The following NALF2 variants were observed in gnomAD, a reference collection of about 807,000 sequenced individuals.
NALF2 encodes NALCN channel auxiliary factor 2.
In NALF2, 1 loss-of-function variant was observed where a neutral mutation model predicts 24.8. The ratio of observed to expected loss-of-function variants is 0.04; its 90% confidence interval spans 0.01 to 0.19. The LOEUF is 0.19. Among genes scored for constraint, NALF2 ranks in the 10% least tolerant of loss-of-function variants. The pLI is 1.00. For synonymous variants in NALF2, 254 were observed against 189.8 expected (o/e 1.34, Z -2.78); for missense variants, 458 against 409.6 (o/e 1.12, Z -1.02).
chrX:69,507,494 A>T (rs1261143986), intron 1 of NALF2, among the ~76,000 whole-genome samples: 4 of 111,130 alleles, frequency 3.6e-5, no homozygotes, highest in Non-Finnish European at 7.5e-5. Flanking sequence ...TCTTAAAGGT[A>T]TACAGACAGA....
chrX:69,505,380 C>G lies in NALF2; in HGVS notation c.98C>G (p.Pro33Arg), dbSNP rs1224299779. 2 of 1,157,682 alleles carry G rather than the reference C, an allele frequency of 1.7e-6. No individual in the cohort carries two copies. Among genetic ancestry groups the G allele is most frequent in the Non-Finnish European group, 2.3e-6 (2 of 869,238 alleles). ...CCWAPRPSDK[P>R]CADSERAQRW... ...TGGGCTCCCAGGCCGAGCGACAAAC[C>G]TTGCGCCGACTCCGAGCGGGCGCAG... The change falls in exon 1 of 3, where the codon CCT becomes CGT. Residue 33 changes from proline to arginine, a missense_variant. Transcript: ENST00000252338.
intron 1 of NALF2, among the ~76,000 whole-genome samples, chrX:69,514,865 G>A (rs1368383360): frequency 2.7e-5 from 3 of 111,522 alleles, no homozygotes; most frequent in Non-Finnish European, 5.6e-5. Flanking sequence ...TTTTTACCCT[G>A]CTCTTTTAAA....
intron 1 of NALF2, among the ~76,000 whole-genome samples, chrX:69,511,180 C>A (rs1466931626): frequency 9.2e-6 from 1 of 109,028 alleles, no homozygotes; most frequent in Non-Finnish European, 1.9e-5. Flanking sequence ...GACCTCACTC[C>A]CCACCTCTTT....
At chrX:69,506,474 C>T (rs1930489728) in intron 1 of NALF2, among the ~76,000 whole-genome samples, 1 of 113,346 alleles carries the variant, frequency 8.8e-6, no homozygotes, top group Non-Finnish European at 1.9e-5. Flanking sequence ...CTCCCCCCAG[C>T]CTCCATCCTC....
intron 1 of NALF2, among the ~76,000 whole-genome samples, 197 bp from the exon 2 acceptor site, chrX:69,528,796 A>G (rs1056035488): frequency 1.8e-5 from 2 of 111,957 alleles, no homozygotes; most frequent in African/African-American, 6.5e-5. Flanking sequence ...GGTGCTTGGG[A>G]GTACTGGCTA....
At chrX:69,518,452 C>T (rs990891657) in intron 1 of NALF2, among the ~76,000 whole-genome samples, 11 of 112,060 alleles carry the variant, frequency 9.8e-5, no homozygotes, top group Non-Finnish European at 2.1e-4. Flanking sequence ...CACACACACA[C>T]ACCCCAAGCC....
chrX:69,508,214 T>C (rs952415739), intron 1 of NALF2, among the ~76,000 whole-genome samples: 1 of 111,859 alleles, frequency 8.9e-6, no homozygotes, highest in Non-Finnish European at 1.9e-5. Context: ...GACATTAATG[T>C]AATGCTTAAG....
intron 1 of NALF2, 41 bp from the exon 2 acceptor site, chrX:69,528,952 G>C (rs1930849056): frequency 8.6e-7 from 1 of 1,167,189 alleles, no homozygotes; most frequent in Non-Finnish European, 1.1e-6. Context: ...GAGGTGGGAA[G>C]GGGCTGGCAC....
chrX:69,524,104 T>C (rs866984455), intron 1 of NALF2, among the ~76,000 whole-genome samples: 2 of 108,550 alleles, frequency 1.8e-5, no homozygotes, highest in Admixed American at 9.7e-5. Flanking sequence ...TTTTTTCTTT[T>C]TTTTTTTTTT....
intron 1 of NALF2, among the ~76,000 whole-genome samples, chrX:69,515,959 T>G (rs1930655806): frequency 8.9e-6 from 1 of 112,327 alleles, no homozygotes; most frequent in Non-Finnish European, 1.9e-5. Context: ...ATCCAGCTAG[T>G]AAGAGTTGGA....
Position 69,529,866 on chromosome X carries a change from C to A in NALF2, c.1329C>A (p.Thr443=). 1 of 1,211,484 alleles carries A rather than the reference C, an allele frequency of 8.3e-7. No homozygotes were observed. Among genetic ancestry groups the A allele is most frequent in the Non-Finnish European group, 1.1e-6 (1 of 895,228 alleles). Residue 443 remains threonine (T), a synonymous_variant, in exon 3 of 3, where the codon ACC becomes ACA. Coordinates refer to ENST00000252338, the MANE Select transcript of NALF2 (RefSeq NM_015686.3). Reference sequence around the variant, plus strand: ...TCCTTGTTCTCATGCTCCTCCATACCGTGGTGTCCTTCTCCAGCAACCAGG... The same window carrying A: ...TCCTTGTTCTCATGCTCCTCCATACAGTGGTGTCCTTCTCCAGCAACCAGG... ...LCVLVLMLLH[T]VVSFSSNQGG...
At chrX:69,507,154 A>G (rs1244084104) in intron 1 of NALF2, among the ~76,000 whole-genome samples, 20 of 111,513 alleles carry the variant, frequency 1.8e-4, no homozygotes. Context: ...TGGTGGCCTC[A>G]CACATCCTCG....
At chrX:69,506,271 C>T (rs3788959) in intron 1 of NALF2, 128 bp downstream of exon 1, 25,110 of 709,617 alleles carry the variant, frequency 0.035, 954 homozygotes, top group East Asian at 0.27. Context: ...CAGTGCAGCA[C>T]TACCAGTGCC....
Position 69,505,368 on chromosome X carries a change from C to A in NALF2, c.86C>A (p.Pro29Gln). ...TGCTGCTGCTGCTGGGCTCCCAGGC[C>A]GAGCGACAAACCTTGCGCCGACTCC... ...CCCCCCWAPR[P>Q]SDKPCADSER... Residue 29 changes from proline to glutamine, a missense_variant, in exon 1 of 3, where the codon CCG (proline) becomes CAG (glutamine). By Grantham distance (76) the Pro-to-Gln change is moderately conservative. Transcript: ENST00000252338. 1 of 1,159,097 alleles carries A rather than the reference C, an allele frequency of 8.6e-7. No individual in the cohort carries two copies. The highest frequency in any genetic ancestry group is 1.2e-6 in the Non-Finnish European group (1 of 869,464).
chrX:69,517,717 A>AAGG (rs781667425), intron 1 of NALF2, among the ~76,000 whole-genome samples: 4 of 111,792 alleles, frequency 3.6e-5, no homozygotes, highest in Non-Finnish European at 7.5e-5. Context: ...GGGAAGGCAC[A>AAGG]AGGATATACT....
Position 69,530,881 on chromosome X carries a change from G to A in NALF2, c.*925G>A, listed in dbSNP as rs1930894522. On this transcript the variant is annotated 3_prime_UTR_variant, in exon 3 of 3. Coordinates refer to ENST00000252338, the MANE Select transcript of NALF2 (RefSeq NM_015686.3). Reference sequence around the variant, plus strand: ...TGAAGGACCATATCTTACAGAAGGTGCACATACTCCCAAGGGCCACTCTTG... The same window carrying A: ...TGAAGGACCATATCTTACAGAAGGTACACATACTCCCAAGGGCCACTCTTG... 8.9e-6 allele frequency: 1 copy of A among 112,972 alleles called. No individual in the cohort carries two copies. Among genetic ancestry groups the A allele is most frequent in the African/African-American group, 3.2e-5 (1 of 30,984 alleles). The allele number at this position is 112,972 out of a possible 1,213,427, so 9.3% of individuals were successfully genotyped here. A position where few individuals can be genotyped will look rare whatever the true frequency, so the allele number is the denominator to read the frequency against.
At chrX:69,523,731 A>G (rs1930765046) in intron 1 of NALF2, among the ~76,000 whole-genome samples, 1 of 110,470 alleles carries the variant, frequency 9.1e-6, no homozygotes, top group South Asian at 3.9e-4. Context: ...TCAAGGGTTC[A>G]GGATGGTTAA....
rs375133651 is a variant in NALF2, at chrX:69,506,149, G to C, written c.861+6G>C. 5.8e-6 allele frequency: 7 copies of C among 1,196,712 alleles called. 1 individual carries two copies. The South Asian group carries it at 1.1e-4, about 19-fold the overall frequency. The stretch of plus-strand genomic sequence containing the variant: ...CCTGCACGAAAGGCTGTAAGGTAAG[G>C]ACTGGCTTCCGCAGCCACAGCAGCC... On this transcript the variant is annotated splice_donor_region_variant and intron_variant, in intron 1 of 2. Transcript: ENST00000252338.
At chrX:69,515,608 T>G (rs1340693735) in intron 1 of NALF2, among the ~76,000 whole-genome samples, 1 of 112,762 alleles carries the variant, frequency 8.9e-6, no homozygotes, top group Admixed American at 9.4e-5. Flanking sequence ...TTTCATTCCT[T>G]AGGTCAGACA....
Sources: gnomAD v4.1 joint callset for allele counts (sites outside exome capture counted in the v4.1 genomes callset) on GRCh38, gnomAD v4.1.1 for gene constraint, MANE v1.5 for transcripts, NCBI Gene and HGNC (gene_info 2026-07-23, HGNC 2026-07-21) for gene names.